Variants in DNAJC8 observed in about 807,000 individuals in gnomAD.
The protein encoded by DNAJC8 is DnaJ heat shock protein family (Hsp40) member C8.
Under a neutral mutation model 43.2 loss-of-function variants are expected in DNAJC8, and 24 were observed. The observed-to-expected ratio is 0.56, with a 90% CI of 0.40 to 0.78. The LOEUF (loss-of-function observed/expected upper bound fraction) is 0.78. DNAJC8 is among the 30% of genes least tolerant of loss of function. DNAJC8 has a pLI of 0.00. For synonymous variants in DNAJC8, 83 were observed against 98.0 expected, an observed-to-expected ratio of 0.85 and a Z score of 0.90; for missense variants, 207 against 299.4, an observed-to-expected ratio of 0.69 and a Z score of 2.28.
chr1:28,221,837 AC>A (rs1485712064), intron 2 of DNAJC8, among the ~76,000 whole-genome samples: 1 of 152,188 alleles, frequency 6.6e-6, no homozygotes, highest in African/African-American at 2.4e-5. Flanking sequence ...ATGTAGAACA[AC>A]CCATGTCCAT....
In DNAJC8 at chr1:28,213,094, A is replaced by G. The variant is rs556997670; in HGVS notation, c.237+1846T>C. Among the ~76,000 whole-genome samples, 4 of 152,324 alleles carry G rather than the reference A, an allele frequency of 2.6e-5. No individual in the cohort carries two copies. The South Asian group carries it at 8.3e-4, about 32-fold the overall frequency. ...ATAGACACCATTATTACATTTTACAAACGGGGTAACAGACACGGAAAGGTT... is the reference window on the plus strand; with the variant it reads ...ATAGACACCATTATTACATTTTACAGACGGGGTAACAGACACGGAAAGGTT... On this transcript the variant is annotated intron_variant, in intron 3 of 8. Coordinates refer to ENST00000263697, the MANE Select transcript of DNAJC8 (RefSeq NM_014280.3).
intron 2 of DNAJC8, among the ~76,000 whole-genome samples, chr1:28,215,988 C>A (rs945575202): frequency 2.6e-5 from 4 of 151,970 alleles, no homozygotes; most frequent in African/African-American, 9.7e-5. Flanking sequence ...GCCTCTTGAG[C>A]AACTAGGACT....
chr1:28,216,500 G>A (rs1387165461), intron 2 of DNAJC8, among the ~76,000 whole-genome samples: 1 of 152,128 alleles, frequency 6.6e-6, no homozygotes, highest in Non-Finnish European at 1.5e-5. Context: ...TAAGATTATA[G>A]CTTACAACTA....
chr1:28,227,251 A>C (rs1450829767), intron 2 of DNAJC8, among the ~76,000 whole-genome samples: 3 of 149,530 alleles, frequency 2.0e-5, no homozygotes, highest in Non-Finnish European at 3.0e-5. Flanking sequence ...TCTACTAAAA[A>C]TACAAAAATT....
At chr1:28,224,255 T>C (rs1477280758) in intron 2 of DNAJC8, among the ~76,000 whole-genome samples, 1 of 151,968 alleles carries the variant, frequency 6.6e-6, no homozygotes, top group African/African-American at 2.4e-5. Flanking sequence ...AGGGGAAAAA[T>C]AGTAACCTCA....
At chr1:28,205,688 G>C (rs915985474) in intron 6 of DNAJC8, among the ~76,000 whole-genome samples, 8 of 152,172 alleles carry the variant, frequency 5.3e-5, no homozygotes, top group African/African-American at 1.9e-4. Context: ...AGGAGTTCAA[G>C]ACCAGCCTGG....
rs867089400 is a variant in DNAJC8, at chr1:28,211,034, C to T, written c.238-397G>A. On this transcript the variant is annotated intron_variant, in intron 3 of 8. Coordinates refer to ENST00000263697, the MANE Select transcript of DNAJC8 (RefSeq NM_014280.3). Reference sequence around the variant, plus strand: ...AAAAAAAATTTTTTAATTACCCAGACATGGTGGTGGTCGCCTGTAGTCCAA... The same window carrying T: ...AAAAAAAATTTTTTAATTACCCAGATATGGTGGTGGTCGCCTGTAGTCCAA... Among the ~76,000 whole-genome samples, 16 of 152,170 alleles carry T rather than the reference C, an allele frequency of 1.1e-4. 1 individual carries two copies. Among genetic ancestry groups the T allele is most frequent in the Middle Eastern group, 6.8e-3 (2 of 292 alleles).
intron 2 of DNAJC8, among the ~76,000 whole-genome samples, chr1:28,222,485 C>CAA (rs35878807): frequency 0.012 from 521 of 43,422 alleles, 17 homozygotes; most frequent in African/African-American, 0.028. Flanking sequence ...GACTCCATCT[C>CAA]AAAAAAAAAA....
rs201460078 is a variant in DNAJC8, at chr1:28,232,968, C to T, written c.31G>A (p.Gly11Ser). 133 of 1,613,158 alleles carry T rather than the reference C, an allele frequency of 8.2e-5. No individual in the cohort carries two copies. In the African/African-American group the frequency reaches 1.6e-3, roughly 20 times the overall value. ...GCTTCCTCGGTGCTGCCTCCGCCGC[C>T]TGAAGTCCCGCTCTCTCCTGAAGCC... MAASGESGTS[G>S]GGGSTEEAFM... Residue 11 changes from glycine (G) to serine (S), a missense_variant, in exon 1 of 9, where the codon GGC becomes AGC. Coordinates refer to ENST00000263697, the MANE Select transcript of DNAJC8 (RefSeq NM_014280.3).
chr1:28,201,106 A>G lies in DNAJC8; in HGVS notation c.*142T>C. 8.2e-7 allele frequency: 1 copy of G among 1,219,338 alleles called. No individual in the cohort carries two copies. Among genetic ancestry groups the G allele is most frequent in the Non-Finnish European group, 1.1e-6 (1 of 873,086 alleles). The allele number at this position is 1,219,338 out of a possible 1,614,324, so 75.5% of individuals were successfully genotyped here. A position where few individuals can be genotyped will look rare whatever the true frequency, so the allele number is the denominator to read the frequency against. On this transcript the variant is annotated 3_prime_UTR_variant, in exon 9 of 9. Coordinates refer to ENST00000263697, the MANE Select transcript of DNAJC8 (RefSeq NM_014280.3). The stretch of plus-strand genomic sequence containing the variant: ...ATGTACAAAAGAATTACTCTGATCG[A>G]TATTAAATCGTATTGAAAACAAAAT...
intron 2 of DNAJC8, among the ~76,000 whole-genome samples, chr1:28,227,104 C>CTCTT (rs1249182683): frequency 2.0e-4 from 19 of 95,146 alleles, no homozygotes; most frequent in African/African-American, 4.3e-4. Context: ...CTCTCTCTCT[C>CTCTT]TTTTTTTTTT....
At chr1:28,208,622 T>C (rs540450092) in intron 5 of DNAJC8, 2 of 355,230 alleles carry the variant, frequency 5.6e-6, no homozygotes, top group South Asian at 8.1e-5. Flanking sequence ...TCTAATCTCA[T>C]CTAAAATCCA....
chr1:28,212,529 G>A (rs982822419), intron 3 of DNAJC8, among the ~76,000 whole-genome samples: 7 of 151,170 alleles, frequency 4.6e-5, no homozygotes, highest in African/African-American at 1.7e-4. Flanking sequence ...CAATCTGCCC[G>A]ACTCAATGTC....
chr1:28,224,783 C>T (rs1450307339), intron 2 of DNAJC8, among the ~76,000 whole-genome samples: 1 of 152,034 alleles, frequency 6.6e-6, no homozygotes, highest in African/African-American at 2.4e-5. Context: ...ACCAGGGAGG[C>T]TGAGTCAGGA....
At chr1:28,219,061 T>C (rs1256190132) in intron 2 of DNAJC8, among the ~76,000 whole-genome samples, 1 of 152,212 alleles carries the variant, frequency 6.6e-6, no homozygotes, top group Admixed American at 6.5e-5. Flanking sequence ...AGATTATAGC[T>C]TACAACTAAT....
chr1:28,232,347 G>C (rs1032460165), intron 1 of DNAJC8, among the ~76,000 whole-genome samples: 2 of 152,134 alleles, frequency 1.3e-5, no homozygotes, highest in East Asian at 3.9e-4. Flanking sequence ...ATGCGCTGGA[G>C]ATGCGATAGT....
chr1:28,231,813 G>A (rs1646977554), intron 1 of DNAJC8, among the ~76,000 whole-genome samples: 1 of 151,938 alleles, frequency 6.6e-6, no homozygotes, highest in Admixed American at 6.6e-5. Flanking sequence ...TGTCACCCAA[G>A]CTGGAGTGCA....
At chr1:28,207,286 G>C (rs1048926737) in intron 6 of DNAJC8, among the ~76,000 whole-genome samples, 3 of 152,024 alleles carry the variant, frequency 2.0e-5, no homozygotes, top group African/African-American at 7.2e-5. Flanking sequence ...GCTAAGGCAG[G>C]AGAATCACTT....
intron 8 of DNAJC8, among the ~76,000 whole-genome samples, chr1:28,203,217 TATAG>T (rs751218698): frequency 3.8e-4 from 58 of 152,146 alleles, no homozygotes; most frequent in Non-Finnish European, 6.9e-4. Context: ...TCCTAAACCC[TATAG>T]AAGAAAAGAC....
Sources: allele counts gnomAD v4.1 joint callset (sites outside exome capture counted in the v4.1 genomes callset), GRCh38; gene constraint gnomAD v4.1.1; transcripts MANE v1.5; gene names NCBI Gene and HGNC (gene_info 2026-07-23, HGNC 2026-07-21).